The following FTO variants were observed in gnomAD, a reference collection of about 807,000 sequenced individuals.
The protein encoded by FTO is FTO alpha-ketoglutarate dependent dioxygenase.
Under a neutral mutation model 63.9 loss-of-function variants are expected in FTO, and 47 were observed. That is an observed-to-expected ratio of 0.74 (90% CI 0.58 to 0.94). The LOEUF (loss-of-function observed/expected upper bound fraction) is 0.94. Ranked by LOEUF, FTO falls within the 40% of genes least tolerant of loss-of-function variation. FTO has a pLI of 0.00. For missense variants in FTO, 562 were observed against 618.1 expected (o/e 0.91, Z 0.96); for synonymous variants, 207 against 224.4 (o/e 0.92, Z 0.69).
At chr16:53,714,039 C>T (rs1285942494) in intron 1 of FTO, among the ~76,000 whole-genome samples, 1 of 152,156 alleles carries the variant, frequency 6.6e-6, no homozygotes, top group Non-Finnish European at 1.5e-5. Flanking sequence ...ACAAGATAAC[C>T]ATGCCTCCCC....
chr16:53,756,049 C>T (rs1275949278), intron 1 of FTO, among the ~76,000 whole-genome samples: 1 of 152,178 alleles, frequency 6.6e-6, no homozygotes, highest in Admixed American at 6.5e-5. Context: ...CTTTTCCCTT[C>T]CTAAGTATTA....
chr16:54,015,130 G>T (rs530677919), intron 8 of FTO, among the ~76,000 whole-genome samples: 10 of 152,128 alleles, frequency 6.6e-5, no homozygotes, highest in African/African-American at 1.7e-4. Flanking sequence ...TTCCTAAAGT[G>T]CTGGGATTGC....
At chr16:54,108,874 C>T (rs1008360531) in intron 8 of FTO, among the ~76,000 whole-genome samples, 1 of 152,144 alleles carries the variant, frequency 6.6e-6, no homozygotes, top group South Asian at 2.1e-4. Context: ...CTCTTTACCA[C>T]CATGCTGCAG....
intron 1 of FTO, among the ~76,000 whole-genome samples, chr16:53,770,388 C>T (rs1374937218): frequency 1.3e-5 from 2 of 152,014 alleles, no homozygotes; most frequent in African/African-American, 4.8e-5. Flanking sequence ...TTTCTCAAGG[C>T]CAAATAAATT....
chr16:54,084,288 G>A (rs1223225392), intron 8 of FTO, among the ~76,000 whole-genome samples: 1 of 152,210 alleles, frequency 6.6e-6, no homozygotes, highest in Non-Finnish European at 1.5e-5. Context: ...GCAGGTACTT[G>A]ACAAATGTTA....
intron 8 of FTO, among the ~76,000 whole-genome samples, chr16:54,094,230 T>A (rs1290042950): frequency 1.3e-5 from 2 of 152,232 alleles, no homozygotes; most frequent in African/African-American, 2.4e-5. Context: ...TGATGATTAA[T>A]TAATAAGTCC....
intron 1 of FTO, among the ~76,000 whole-genome samples, chr16:53,787,019 G>C (rs888194534): frequency 6.8e-6 from 1 of 145,998 alleles, no homozygotes; most frequent in Admixed American, 7.0e-5. Context: ...GCTGAGGCAG[G>C]AGAATTGCTT....
intron 3 of FTO, among the ~76,000 whole-genome samples, chr16:53,841,882 C>G (rs1415415747): frequency 6.6e-6 from 1 of 152,184 alleles, no homozygotes; most frequent in Non-Finnish European, 1.5e-5. Flanking sequence ...TGTTGTCTTT[C>G]ACGTTTGACC....
intron 8 of FTO, chr16:54,071,603 G>A (rs1196357778): frequency 1.3e-5 from 2 of 152,122 alleles, no homozygotes; most frequent in African/African-American, 4.8e-5. Flanking sequence ...CACGTTTACT[G>A]TTATTATGGC....
chr16:53,730,685 TTGG>T (rs2076252537), intron 1 of FTO, among the ~76,000 whole-genome samples: 1 of 151,956 alleles, frequency 6.6e-6, no homozygotes, highest in South Asian at 2.1e-4. Flanking sequence ...TAGTAGAGAC[TTGG>T]TTTCGCTATT....
At chr16:53,936,242 C>T (rs1000599920) in intron 8 of FTO, among the ~76,000 whole-genome samples, 12 of 152,190 alleles carry the variant, frequency 7.9e-5, no homozygotes, top group African/African-American at 2.2e-4. Flanking sequence ...AAAGAAAGAG[C>T]TTAACAGCTG....
chr16:53,986,137 C>T (rs777161491), intron 8 of FTO, among the ~76,000 whole-genome samples: 12 of 152,170 alleles, frequency 7.9e-5, no homozygotes, highest in Admixed American at 4.6e-4. Flanking sequence ...ATTCTACTTT[C>T]GAAATAAGTT....
intron 8 of FTO, among the ~76,000 whole-genome samples, chr16:53,945,463 A>T (rs1017916050): frequency 3.9e-5 from 6 of 152,210 alleles, no homozygotes; most frequent in Non-Finnish European, 8.8e-5. Context: ...ACAAAGCTTT[A>T]GTTTTTAATC....
intron 1 of FTO, among the ~76,000 whole-genome samples, chr16:53,778,854 G>A (rs1034446968): frequency 1.3e-4 from 14 of 110,542 alleles, no homozygotes; most frequent in African/African-American, 5.2e-4. Flanking sequence ...CAATGTGATT[G>A]TGGATTTTTT....
chr16:53,846,042 G>T (rs1394001148), intron 4 of FTO, among the ~76,000 whole-genome samples: 2 of 152,102 alleles, frequency 1.3e-5, no homozygotes, highest in Non-Finnish European at 2.9e-5. Context: ...GCTTTGTGAG[G>T]GAGATGGCAG....
chr16:53,867,945 T>C (rs2080377106), intron 4 of FTO, among the ~76,000 whole-genome samples: 1 of 150,080 alleles, frequency 6.7e-6, no homozygotes, highest in African/African-American at 2.4e-5. Flanking sequence ...ACTACCCCTT[T>C]TTCTCTGTGA....
intron 1 of FTO, among the ~76,000 whole-genome samples, chr16:53,764,475 C>CAAAAAAAAAAAAAAAAA (rs56906281): frequency 3.5e-4 from 41 of 118,650 alleles, no homozygotes; most frequent in Non-Finnish European, 5.1e-4. Context: ...ACTAAAAATA[C>CAAAAAAAAAAAAAAAAA]AAAAAAAAAA....
At chr16:53,740,593 A>T (rs781191913) in intron 1 of FTO, among the ~76,000 whole-genome samples, 2 of 152,182 alleles carry the variant, frequency 1.3e-5, no homozygotes, top group African/African-American at 4.8e-5. Context: ...ATCTGTTTCA[A>T]TTCTTCATCT....
intron 8 of FTO, among the ~76,000 whole-genome samples, chr16:54,036,079 ATAT>A (rs2084934478): frequency 7.2e-5 from 11 of 152,148 alleles, no homozygotes; most frequent in Non-Finnish European, 2.9e-5. Context: ...AGTGAAGGAA[ATAT>A]CTCTGGTATA....
Sources: allele counts gnomAD v4.1 joint callset (sites outside exome capture counted in the v4.1 genomes callset), GRCh38; gene constraint gnomAD v4.1.1; transcripts MANE v1.5; gene names NCBI Gene and HGNC (gene_info 2026-07-23, HGNC 2026-07-21).